Variants in KAZN observed in about 807,000 individuals in gnomAD.
The protein encoded by KAZN is kazrin, periplakin interacting protein, also known as kazrin.
KAZN carries 40 observed loss-of-function variants against 87.4 expected under a neutral mutation model. The observed-to-expected ratio is 0.46, with a 90% CI of 0.36 to 0.60. The LOEUF is 0.60. Ranked by LOEUF, KAZN falls within the 20% of genes least tolerant of loss-of-function variation. The probability of loss-of-function intolerance (pLI) is 0.00; values close to 1 mark genes in which losing one functional copy is unlikely to be tolerated. For missense variants in KAZN, 898 were observed against 1,073.9 expected (o/e 0.84, Z 2.29); for synonymous variants, 466 against 458.3 (o/e 1.02, Z -0.22).
At chr1:15,112,377 G>C (rs143934210) in intron 13 of KAZN, 50 bp from the exon 14 acceptor site, 2 of 862,526 alleles carry the variant, frequency 2.3e-6, no homozygotes, top group East Asian at 5.3e-5. Flanking sequence ...GTGTGTGTCT[G>C]GGGAGCTGAC....
At position 14,856,301 on chromosome 1, in the gene KAZN, G is replaced by C. The variant is rs1369212973; in HGVS notation, c.227-104383G>C. 6.6e-6 allele frequency among the ~76,000 whole-genome samples: 1 copy of C among 152,114 alleles called. No individual in the cohort carries two copies. The highest frequency in any genetic ancestry group is 2.4e-5 in the African/African-American group (1 of 41,410). ...AGAATACATATTCCCTGCTTTTATG[G>C]GTACCTATGCATTCATGCCTAAGTG... On this transcript the variant is annotated intron_variant, in intron 1 of 14. Coordinates refer to ENST00000376030, the MANE Select transcript of KAZN (RefSeq NM_201628.3). The surrounding 1 kb of genome is among the most constrained non-coding windows in gnomAD (Gnocchi z 5.2).
At chr1:14,795,942 C>T (rs934754678) in intron 1 of KAZN, among the ~76,000 whole-genome samples, 4 of 152,160 alleles carry the variant, frequency 2.6e-5, no homozygotes, top group African/African-American at 9.7e-5. Context: ...CTCCCCGGGG[C>T]CTGCTGTGTG....
chr1:14,978,142 G>A (rs1243874962), intron 2 of KAZN, among the ~76,000 whole-genome samples: 2 of 152,140 alleles, frequency 1.3e-5, no homozygotes, highest in Non-Finnish European at 2.9e-5. Flanking sequence ...CCCATTCCCA[G>A]CTGGGGCTGG....
chr1:14,599,063 G>A lies in KAZN; in HGVS notation c.66G>A (p.Glu22=), dbSNP rs751854333. 1.9e-6 allele frequency: 3 copies of A among 1,563,292 alleles called. No homozygotes were observed. The highest frequency in any genetic ancestry group is 2.8e-5 in the African/African-American group (2 of 70,640). ...GGGCGGTCCAGTCGGCCAGCCAGGA[G>A]GTGACCAACCTGCGAGCCGAACTCA... ...IDGAVQSASQ[E]VTNLRAELTA... Residue 22 remains glutamate, a synonymous_variant, in exon 1 of 15, where the codon GAG becomes GAA. Transcript: ENST00000376030. This position sits in a 1 kb window ranked among gnomAD's most constrained non-coding sequence, Gnocchi z 4.4.
At chr1:14,326,193 C>T (rs1467538709) in intron 2 of KAZN, among the ~76,000 whole-genome samples, 1 of 152,030 alleles carries the variant, frequency 6.6e-6, no homozygotes, top group Non-Finnish European at 1.5e-5. Context: ...CATGTCTGCC[C>T]CCTACCCCCG....
rs530730697 is a variant in KAZN, at chr1:14,335,407, T to G, written c.249+154815T>G. Among the ~76,000 whole-genome samples, 3 of 152,190 alleles carry G rather than the reference T, an allele frequency of 2.0e-5. No individual in the cohort carries two copies. The South Asian group carries it at 6.2e-4, about 32-fold the overall frequency. ...TAGTAGAGACGGGGTTTCACCATGT[T>G]GGTCAAGCCGGTCTCAAACTCCTGA... On this transcript the variant is annotated intron_variant, in intron 2 of 16. Transcript: ENST00000636203.
chr1:14,891,623 T>C (rs1363202879), intron 1 of KAZN, among the ~76,000 whole-genome samples: 1 of 152,216 alleles, frequency 6.6e-6, no homozygotes, highest in Non-Finnish European at 1.5e-5. Context: ...AAAATGTCCA[T>C]GGAATACCGT....
chr1:14,863,766 A>C (rs922946426), intron 1 of KAZN, among the ~76,000 whole-genome samples: 1 of 152,176 alleles, frequency 6.6e-6, no homozygotes, highest in African/African-American at 2.4e-5. Flanking sequence ...CTGAAGGTGC[A>C]CGGGGGATCA....
Position 14,820,539 on chromosome 1 carries a change from C to G in KAZN, c.227-140145C>G, listed in dbSNP as rs1291120514. 6.6e-6 allele frequency among the ~76,000 whole-genome samples: 1 copy of G among 152,242 alleles called. No homozygotes were observed. The highest frequency in any genetic ancestry group is 2.4e-5 in the African/African-American group (1 of 41,462). ...GCTGCCTGAACGAAGCTGGAGCGTGCAGAACAAACTGCATGGAATGTCACG... is the reference window on the plus strand; with the variant it reads ...GCTGCCTGAACGAAGCTGGAGCGTGGAGAACAAACTGCATGGAATGTCACG... On this transcript the variant is annotated intron_variant, in intron 1 of 14. Coordinates refer to ENST00000376030, the MANE Select transcript of KAZN (RefSeq NM_201628.3). This position sits in a 1 kb window ranked among gnomAD's most constrained non-coding sequence, Gnocchi z 4.1.
intron 1 of KAZN, among the ~76,000 whole-genome samples, chr1:14,012,200 AT>A (rs1223283833): frequency 6.6e-6 from 1 of 152,148 alleles, no homozygotes; most frequent in Admixed American, 6.5e-5. Context: ...GTCTTGTTTT[AT>A]TTGGATTTTT....
intron 1 of KAZN, among the ~76,000 whole-genome samples, chr1:14,673,183 T>C (rs1330738263): frequency 6.6e-6 from 1 of 152,180 alleles, no homozygotes; most frequent in Non-Finnish European, 1.5e-5. Flanking sequence ...CTTCAAAGGA[T>C]TGCCACTGTC....
At chr1:14,200,576 T>C (rs1395908026) in intron 2 of KAZN, among the ~76,000 whole-genome samples, 3 of 152,210 alleles carry the variant, frequency 2.0e-5, no homozygotes, top group African/African-American at 7.2e-5. Flanking sequence ...GCATATGTTA[T>C]TTGTAATATA....
chr1:14,502,932 C>G (rs946620829), intron 2 of KAZN, among the ~76,000 whole-genome samples: 1 of 152,158 alleles, frequency 6.6e-6, no homozygotes, highest in Admixed American at 6.5e-5. Flanking sequence ...TTCACTTCAG[C>G]TTCACCTGGC....
intron 1 of KAZN, among the ~76,000 whole-genome samples, chr1:14,825,652 C>G (rs542215245): frequency 6.6e-6 from 1 of 152,258 alleles, no homozygotes; most frequent in Non-Finnish European, 1.5e-5. Flanking sequence ...AGTAAGGGAC[C>G]ACGTTGGGAT....
chr1:14,514,617 A>ATTTTC (rs1557770547), intron 2 of KAZN, among the ~76,000 whole-genome samples: 1 of 48,288 alleles, frequency 2.1e-5, no homozygotes, highest in African/African-American at 8.4e-5. Flanking sequence ...ATATATATAT[A>ATTTTC]TATATATATA....
rs550877896 is a variant in KAZN at position 15,052,527 on chromosome 1, A to T, written c.727-3564A>T. On this transcript the variant is annotated intron_variant, in intron 4 of 14. Transcript: ENST00000376030. ...TTGGATGGGGACACAGCCAAACCAT[A>T]TCAGTGCATATACATGTGTATATGT... 1.8e-4 allele frequency among the ~76,000 whole-genome samples: 27 copies of T among 152,174 alleles called. 1 individual carries two copies. In the South Asian group the frequency reaches 5.4e-3, roughly 30 times the overall value.
At chr1:14,986,202 G>A (rs1025426430) in intron 2 of KAZN, among the ~76,000 whole-genome samples, 3 of 151,952 alleles carry the variant, frequency 2.0e-5, no homozygotes, top group Admixed American at 1.3e-4. Flanking sequence ...ATGGACCTGC[G>A]TTCGATGATA....
intron 2 of KAZN, among the ~76,000 whole-genome samples, chr1:14,439,987 C>T (rs1163494620): frequency 6.6e-6 from 1 of 152,200 alleles, no homozygotes; most frequent in Non-Finnish European, 1.5e-5. Flanking sequence ...CTCCCAACCC[C>T]ACTGTTCTGG....
intron 2 of KAZN, among the ~76,000 whole-genome samples, chr1:14,245,291 AGT>A (rs2100591404): frequency 6.6e-6 from 1 of 152,212 alleles, no homozygotes; most frequent in Admixed American, 6.5e-5. Context: ...TCAGGTTGGT[AGT>A]GTGTGTACAC....
Sources: gnomAD v4.1 joint callset for allele counts (sites outside exome capture counted in the v4.1 genomes callset) on GRCh38, gnomAD v4.1.1 for gene constraint, Gnocchi (gnomAD v3.1) non-coding constraint, MANE v1.5 for transcripts, NCBI Gene and HGNC (gene_info 2026-07-23, HGNC 2026-07-21) for gene names.